The following ADGRL2 variants were observed in gnomAD, a reference collection of about 807,000 sequenced individuals.
ADGRL2 encodes adhesion G protein-coupled receptor L2.
In ADGRL2, 44 loss-of-function variants were observed where a neutral mutation model predicts 157.4. The ratio of observed to expected loss-of-function variants is 0.28; its 90% CI spans 0.22 to 0.36. ADGRL2 has a LOEUF of 0.36. ADGRL2 is among the 10% of genes least tolerant of loss of function. The probability of loss-of-function intolerance (pLI) is 1.00; values close to 1 mark genes in which losing one functional copy is unlikely to be tolerated. For synonymous variants in ADGRL2, 585 were observed against 624.7 expected, an observed-to-expected ratio of 0.94 and a Z score of 0.95; for missense variants, 1,510 against 1,768.9, an observed-to-expected ratio of 0.85 and a Z score of 2.63.
At chr1:81,742,237 C>A (rs2085095995) in intron 1 of ADGRL2, among the ~76,000 whole-genome samples, 1 of 151,890 alleles carries the variant, frequency 6.6e-6, no homozygotes, top group Admixed American at 6.6e-5. Flanking sequence ...TAAATCAAAT[C>A]TATAAAAACA....
At chr1:81,495,196 T>G (rs1192129875) in intron 2 of ADGRL2, among the ~76,000 whole-genome samples, 1 of 152,146 alleles carries the variant, frequency 6.6e-6, no homozygotes, top group African/African-American at 2.4e-5. Context: ...CATTAGCATA[T>G]TCCCAATAAG....
rs1553154309 is a variant in ADGRL2, at chr1:81,333,780, A to AG, written c.-302+27271_-302+27272insG. On this transcript the variant is annotated intron_variant, in intron 1 of 24. Coordinates refer to the ADGRL2 transcript ENST00000370721. ...CCCTAAGCAAAAAAAAAAAAAAAAAATTCCTTACTTCCAAATGTAATGGAA... is the reference window on the plus strand; with the variant it reads ...CCCTAAGCAAAAAAAAAAAAAAAAAAGTTCCTTACTTCCAAATGTAATGGAA... Among the ~76,000 whole-genome samples, 397 of 151,808 alleles carry AG rather than the reference A, an allele frequency of 2.6e-3. 5 individuals are homozygous for AG. In the South Asian group the frequency reaches 0.049, roughly 19 times the overall value.
intron 1 of ADGRL2, among the ~76,000 whole-genome samples, chr1:81,352,889 A>T (rs1334149320): frequency 6.6e-6 from 1 of 152,146 alleles, no homozygotes; most frequent in Non-Finnish European, 1.5e-5. Flanking sequence ...GAAGGGGTTA[A>T]TTAGGTCAGG....
chr1:81,426,171 G>A (rs2077211945), intron 1 of ADGRL2, among the ~76,000 whole-genome samples: 1 of 152,208 alleles, frequency 6.6e-6, no homozygotes, highest in South Asian at 2.1e-4. Context: ...TTGGACAATA[G>A]GGTGGTTTGA....
intron 3 of ADGRL2, among the ~76,000 whole-genome samples, chr1:81,690,235 G>A (rs1345135593): frequency 1.3e-5 from 2 of 152,186 alleles, no homozygotes. Flanking sequence ...GCTCACACCT[G>A]TAATCCCAGC....
chr1:81,784,697 C>T (rs929402407), intron 2 of ADGRL2, among the ~76,000 whole-genome samples: 1 of 143,454 alleles, frequency 7.0e-6, no homozygotes, highest in Non-Finnish European at 1.5e-5. Flanking sequence ...CATTGCACTC[C>T]AGCCTGGGCG....
intron 1 of ADGRL2, among the ~76,000 whole-genome samples, chr1:81,737,882 C>T (rs2084953680): frequency 6.6e-6 from 1 of 152,040 alleles, no homozygotes; most frequent in African/African-American, 2.4e-5. Flanking sequence ...AAAAGGTGTC[C>T]AGATTCTACA....
intron 2 of ADGRL2, among the ~76,000 whole-genome samples, chr1:81,569,876 C>A (rs2080646794): frequency 6.6e-6 from 1 of 152,088 alleles, no homozygotes; most frequent in South Asian, 2.1e-4. Context: ...TGTCAGCCAT[C>A]TAAAGGTTTG....
At chr1:81,661,846 G>A (rs1485121168) in intron 3 of ADGRL2, among the ~76,000 whole-genome samples, 2 of 152,098 alleles carry the variant, frequency 1.3e-5, no homozygotes, top group Non-Finnish European at 2.9e-5. Flanking sequence ...GAAAACAACA[G>A]GATGGTGCCT....
intron 2 of ADGRL2, among the ~76,000 whole-genome samples, chr1:81,862,929 A>T (rs1008651911): frequency 6.6e-6 from 1 of 152,236 alleles, no homozygotes; most frequent in Non-Finnish European, 1.5e-5. Flanking sequence ...AACCAAATAC[A>T]TAAGCATAAT....
At chr1:81,952,537 G>A (rs987996535) in intron 9 of ADGRL2, among the ~76,000 whole-genome samples, 1 of 152,122 alleles carries the variant, frequency 6.6e-6, no homozygotes, top group African/African-American at 2.4e-5. Flanking sequence ...ATTAGCCACT[G>A]ACATATTTCT....
chr1:81,561,989 C>T (rs2080453815), intron 2 of ADGRL2, among the ~76,000 whole-genome samples: 1 of 152,178 alleles, frequency 6.6e-6, no homozygotes, highest in Non-Finnish European at 1.5e-5. Flanking sequence ...TATAAAAACA[C>T]TCCTGACTCA....
intron 1 of ADGRL2, among the ~76,000 whole-genome samples, chr1:81,747,152 TATATATGTATGTGTGTATATATAC>T (rs1262562694): frequency 4.0e-4 from 59 of 147,282 alleles, no homozygotes; most frequent in Non-Finnish European, 7.0e-4. Context: ...CATATATACG[TATATATGTATGTGTGTATATATAC>T]ATATATGTAT....
At chr1:81,948,229 A>G (rs1244916308) in intron 6 of ADGRL2, among the ~76,000 whole-genome samples, 3 of 148,530 alleles carry the variant, frequency 2.0e-5, no homozygotes, top group African/African-American at 7.5e-5. Flanking sequence ...AAAAAAAACA[A>G]AAACAAAAAG....
chr1:81,843,686 A>T (rs1009505234), intron 2 of ADGRL2, among the ~76,000 whole-genome samples: 1 of 152,174 alleles, frequency 6.6e-6, no homozygotes, highest in Non-Finnish European at 1.5e-5. Flanking sequence ...TATGTTACAA[A>T]TGTGACTCAA....
At chr1:81,702,678 A>G (rs932481912) in intron 1 of ADGRL2, among the ~76,000 whole-genome samples, 1 of 152,254 alleles carries the variant, frequency 6.6e-6, no homozygotes, top group Non-Finnish European at 1.5e-5. Context: ...CAAAATATGT[A>G]TGAATTAAGA....
At chr1:81,957,042 A>G (rs1374993789) in intron 11 of ADGRL2, among the ~76,000 whole-genome samples, 1 of 152,188 alleles carries the variant, frequency 6.6e-6, no homozygotes, top group Non-Finnish European at 1.5e-5. Context: ...TTTATTTTAT[A>G]TAAGTGAATT....
At chr1:81,330,110 C>G (rs1661174494) in intron 1 of ADGRL2, among the ~76,000 whole-genome samples, 1 of 152,090 alleles carries the variant, frequency 6.6e-6, no homozygotes, top group Non-Finnish European at 1.5e-5. Context: ...TGCTAATAAA[C>G]TAGAACATCA....
chr1:81,808,087 C>T (rs1002922482), intron 1 of ADGRL2, among the ~76,000 whole-genome samples: 1 of 151,782 alleles, frequency 6.6e-6, no homozygotes, highest in African/African-American at 2.4e-5. Context: ...TAGCAAAATA[C>T]TATTGATTGG....
Sources: allele counts gnomAD v4.1 joint callset (sites outside exome capture counted in the v4.1 genomes callset), GRCh38; gene constraint gnomAD v4.1.1; transcripts MANE v1.5; gene names NCBI Gene and HGNC (gene_info 2026-07-23, HGNC 2026-07-21).